SLC9A9: variants seen among roughly 807,000 people sequenced by gnomAD.
SLC9A9 encodes sodium/hydrogen exchanger 9.
A neutral mutation model predicts 77.8 loss-of-function variants in SLC9A9; 62 were observed. The ratio of observed to expected loss-of-function variants is 0.80; its 90% CI spans 0.65 to 0.98. The LOEUF is 0.98. SLC9A9 is among the 50% of genes least tolerant of loss of function. The pLI is 0.00. For synonymous variants in SLC9A9, 320 were observed against 283.5 expected, an observed-to-expected ratio of 1.13 and a Z score of -1.29; for missense variants, 775 against 774.9, an observed-to-expected ratio of 1.00 and a Z score of 0.00.
At chr3:143,672,187 A>AAT (rs1553778192) in intron 5 of SLC9A9, among the ~76,000 whole-genome samples, 2 of 150,686 alleles carry the variant, frequency 1.3e-5, no homozygotes. Context: ...TACATCTTAA[A>AAT]TTTTTTTTTT....
At chr3:143,285,240 C>A (rs989787251) in intron 14 of SLC9A9, among the ~76,000 whole-genome samples, 5 of 152,148 alleles carry the variant, frequency 3.3e-5, no homozygotes, top group African/African-American at 1.2e-4. Context: ...CCTAGCCCCC[C>A]ACACCCCAAC....
intron 6 of SLC9A9, among the ~76,000 whole-genome samples, chr3:143,593,418 C>A (rs76985895): frequency 1.3e-5 from 2 of 152,182 alleles, no homozygotes; most frequent in African/African-American, 2.4e-5. Context: ...AGGGTATATA[C>A]AAAAGGTAGA....
At chr3:143,712,115 T>G (rs1489826233) in intron 4 of SLC9A9, among the ~76,000 whole-genome samples, 9 of 152,184 alleles carry the variant, frequency 5.9e-5, no homozygotes, top group Non-Finnish European at 1.2e-4. Flanking sequence ...CCCATTTGAT[T>G]TGAGTTGAGC....
chr3:143,582,454 G>A (rs2037473095), intron 6 of SLC9A9, among the ~76,000 whole-genome samples: 1 of 152,152 alleles, frequency 6.6e-6, no homozygotes, highest in Non-Finnish European at 1.5e-5. Flanking sequence ...TCATTCTGCT[G>A]AGAACTTCCA....
intron 5 of SLC9A9, among the ~76,000 whole-genome samples, chr3:143,667,422 C>G (rs1484215321): frequency 1.3e-5 from 2 of 152,186 alleles, no homozygotes; most frequent in Non-Finnish European, 2.9e-5. Flanking sequence ...TAGGCATGGG[C>G]AAGGACTTCA....
chr3:143,727,742 T>A (rs905667350), intron 4 of SLC9A9, among the ~76,000 whole-genome samples: 1 of 152,206 alleles, frequency 6.6e-6, no homozygotes, highest in Non-Finnish European at 1.5e-5. Flanking sequence ...CTGAGTACTT[T>A]CCCCTCATAG....
intron 6 of SLC9A9, among the ~76,000 whole-genome samples, chr3:143,597,896 C>T (rs956309262): frequency 6.6e-6 from 1 of 152,170 alleles, no homozygotes; most frequent in Non-Finnish European, 1.5e-5. Context: ...ACTGTCAACG[C>T]CATTATGCAA....
intron 9 of SLC9A9, among the ~76,000 whole-genome samples, chr3:143,500,735 G>A (rs1013059946): frequency 2.0e-5 from 3 of 150,812 alleles, no homozygotes; most frequent in Non-Finnish European, 4.4e-5. Context: ...TTTATTTTAT[G>A]GTATTTATAA....
At chr3:143,837,476 T>C (rs1319790428) in intron 1 of SLC9A9, among the ~76,000 whole-genome samples, 1 of 152,200 alleles carries the variant, frequency 6.6e-6, no homozygotes, top group Non-Finnish European at 1.5e-5. Context: ...ATAATCTAGA[T>C]TCATGAGGCA....
At position 143,848,028 on chromosome 3, in the gene SLC9A9, A is replaced by G. The variant is rs56220620; in HGVS notation, c.175+120T>C. 13,599 of 1,056,478 alleles carry G rather than the reference A, an allele frequency of 0.013. 822 individuals carry two copies. In the African/African-American group the frequency reaches 0.15, roughly 12 times the overall value. The allele number at this position is 1,056,478 out of a possible 1,614,324, so 65.4% of individuals were successfully genotyped here. ...CGTTACGCTGCAGCACCTTTCATCA[A>G]ACTAATGACATTTCAATCAGCACAT... On this transcript the variant is annotated intron_variant, in intron 1 of 15. Coordinates refer to ENST00000316549, the MANE Select transcript of SLC9A9 (RefSeq NM_173653.4).
At chr3:143,455,972 T>C (rs146172830) in intron 12 of SLC9A9, among the ~76,000 whole-genome samples, 3,536 of 152,112 alleles carry the variant, frequency 0.023, 52 homozygotes, top group Middle Eastern at 0.041. Context: ...AAATTAGGAA[T>C]ATTTGTCTCA....
chr3:143,333,410 A>G (rs898880190), intron 14 of SLC9A9, among the ~76,000 whole-genome samples: 2 of 152,178 alleles, frequency 1.3e-5, no homozygotes, highest in African/African-American at 4.8e-5. Flanking sequence ...AGTACTAGCA[A>G]TAGTATTCAC....
chr3:143,844,717 CTTTCTTTCTT>C (rs2009786883), intron 1 of SLC9A9, among the ~76,000 whole-genome samples: 2 of 10,738 alleles, frequency 1.9e-4, no homozygotes, highest in African/African-American at 5.7e-4. Flanking sequence ...CTTTCTCTTT[CTTTCTTTCTT>C]TCTTTCTTTC....
intron 2 of SLC9A9, among the ~76,000 whole-genome samples, chr3:143,808,159 T>G (rs2008773796): frequency 6.6e-6 from 1 of 152,246 alleles, no homozygotes; most frequent in African/African-American, 2.4e-5. Flanking sequence ...AAATGCCTGC[T>G]AAATCATAGC....
rs765661801 is a variant in SLC9A9, at chr3:143,552,458, T to TA, written c.1001-9dup. On this transcript the variant is annotated splice_polypyrimidine_tract_variant and intron_variant, in intron 8 of 15. Transcript: ENST00000316549. Reference sequence around the variant, plus strand: ...AGAGAACAGCAACTATCCCTGAAATTAAAAAAACAGATCAGTCAAAACCAA... The same window carrying TA: ...AGAGAACAGCAACTATCCCTGAAATTAAAAAAAACAGATCAGTCAAAACCAA... 4.3e-6 allele frequency: 7 copies of TA among 1,611,604 alleles called. No individual in the cohort carries two copies. The East Asian group carries it at 6.7e-5, about 15-fold the overall frequency.
At chr3:143,438,442 G>C (rs1247914778) in intron 12 of SLC9A9, among the ~76,000 whole-genome samples, 4 of 152,320 alleles carry the variant, frequency 2.6e-5, no homozygotes, top group South Asian at 4.1e-4. Context: ...GTGTGTTTGT[G>C]TGTGTGTATG....
intron 12 of SLC9A9, among the ~76,000 whole-genome samples, chr3:143,458,823 C>G (rs963223314): frequency 1.3e-5 from 2 of 152,062 alleles, no homozygotes; most frequent in African/African-American, 4.8e-5. Context: ...CAGATATTTA[C>G]TATTTCTGTT....
At chr3:143,810,826 T>C (rs1389708208) in intron 2 of SLC9A9, among the ~76,000 whole-genome samples, 2 of 152,186 alleles carry the variant, frequency 1.3e-5, no homozygotes, top group African/African-American at 4.8e-5. Flanking sequence ...AGATATATTA[T>C]AGAGAGACTG....
chr3:143,680,229 T>G (rs1015987643), intron 5 of SLC9A9, among the ~76,000 whole-genome samples: 3 of 152,108 alleles, frequency 2.0e-5, no homozygotes, highest in African/African-American at 7.2e-5. Context: ...TAATTAAAAT[T>G]TTTCAGGCAT....
Sources: gnomAD v4.1 joint callset for allele counts (sites outside exome capture counted in the v4.1 genomes callset) on GRCh38, gnomAD v4.1.1 for gene constraint, MANE v1.5 for transcripts, NCBI Gene and HGNC (gene_info 2026-07-23, HGNC 2026-07-21) for gene names.